MRTFA: variants seen among roughly 807,000 people sequenced by gnomAD.
MRTFA encodes the protein myocardin-related transcription factor A.
A neutral mutation model predicts 83.5 loss-of-function variants in MRTFA; 20 were observed. That is an observed-to-expected ratio of 0.24 (90% CI 0.17 to 0.35). MRTFA has a LOEUF of 0.35. Among genes scored for constraint, MRTFA ranks in the 10% least tolerant of loss-of-function variants. The pLI, the probability that MRTFA is intolerant of heterozygous loss-of-function variation, is 1.00. For synonymous variants in MRTFA, 659 were observed against 541.2 expected (o/e 1.22, Z -3.02); for missense variants, 1,200 against 1,224.7 (o/e 0.98, Z 0.30).
chr22:40,602,393 G>A (rs2056270151), intron 1 of MRTFA, among the ~76,000 whole-genome samples: 1 of 152,150 alleles, frequency 6.6e-6, no homozygotes, highest in Non-Finnish European at 1.5e-5. Context: ...TTCAAAATAA[G>A]TTGCCAAGAA....
chr22:40,486,538 T>C (rs1185674072), intron 3 of MRTFA, among the ~76,000 whole-genome samples: 1 of 152,238 alleles, frequency 6.6e-6, no homozygotes, highest in African/African-American at 2.4e-5. Context: ...ATTTGCTTCT[T>C]TTCTAACCAC....
In MRTFA at chr22:40,468,398, G is replaced by T. The variant is rs1157936534; in HGVS notation, c.242-5112C>A. On this transcript the variant is annotated intron_variant, in intron 3 of 14. Coordinates refer to ENST00000355630, the MANE Select transcript of MRTFA (RefSeq NM_020831.6). ...CAGAAGATAAAGTATAAATTATGAG[G>T]AAGTAGAAAAGAATAGGAAGGTGGG... Among the ~76,000 whole-genome samples the T allele has an allele frequency of 3.3e-5, 5 of 152,010 alleles. No individual in the cohort carries two copies. In the East Asian group the frequency reaches 5.8e-4, roughly 18 times the overall value.
chr22:40,464,662 T>A (rs895634727), intron 3 of MRTFA, among the ~76,000 whole-genome samples: 1 of 152,072 alleles, frequency 6.6e-6, no homozygotes, highest in Non-Finnish European at 1.5e-5. Context: ...CTGGGAATCA[T>A]CTTAATATCT....
chr22:40,504,605 T>C (rs2054550626), intron 3 of MRTFA, among the ~76,000 whole-genome samples: 1 of 152,186 alleles, frequency 6.6e-6, no homozygotes, highest in South Asian at 2.1e-4. Flanking sequence ...TTTCTGAAAC[T>C]AGATCTTAAA....
At chr22:40,495,445 C>G (rs955825020) in intron 3 of MRTFA, among the ~76,000 whole-genome samples, 1 of 145,432 alleles carries the variant, frequency 6.9e-6, no homozygotes, top group African/African-American at 2.6e-5. Flanking sequence ...GAGCAAGACT[C>G]CGTCTCAAAA....
rs960621690 is a variant in MRTFA, at chr22:40,475,858, G to A, written c.242-12572C>T. On this transcript the variant is annotated intron_variant, in intron 3 of 14. Transcript: ENST00000355630. ...TAGCACTAGGGTACATAAAAATGGC[G>A]TCTCGGCCAGGCACGGTGGCTCACG... Among the ~76,000 whole-genome samples, 6 of 152,248 alleles carry A rather than the reference G, an allele frequency of 3.9e-5. No homozygotes were observed. The South Asian group carries it at 8.3e-4, about 21-fold the overall frequency.
At chr22:40,421,413 T>C (rs1303081684) in intron 9 of MRTFA, among the ~76,000 whole-genome samples, 1 of 152,130 alleles carries the variant, frequency 6.6e-6, no homozygotes, top group Non-Finnish European at 1.5e-5. Context: ...AGCTGACTGA[T>C]GGAGCTCGGG....
At chr22:40,525,840 CAGAGAATCAA>C (rs1246883202) in intron 3 of MRTFA, among the ~76,000 whole-genome samples, 27 of 151,832 alleles carry the variant, frequency 1.8e-4, no homozygotes, top group African/African-American at 6.5e-4. Flanking sequence ...ATACACAAGG[CAGAGAATCAA>C]AGAGGAAAAA....
chr22:40,580,206 T>C (rs937021164), intron 2 of MRTFA, among the ~76,000 whole-genome samples: 1 of 152,168 alleles, frequency 6.6e-6, no homozygotes, highest in African/African-American at 2.4e-5. Flanking sequence ...TTTTTTCACT[T>C]TTCCTTTTTT....
At chr22:40,596,622 T>G (rs1389125178) in intron 1 of MRTFA, among the ~76,000 whole-genome samples, 1 of 152,002 alleles carries the variant, frequency 6.6e-6, no homozygotes, top group East Asian at 1.9e-4. Context: ...GCCAACATGG[T>G]GAAACCCTGT....
intron 4 of MRTFA, among the ~76,000 whole-genome samples, chr22:40,442,409 G>C (rs2053293452): frequency 6.6e-6 from 1 of 152,214 alleles, no homozygotes; most frequent in South Asian, 2.1e-4. Flanking sequence ...TCTTTTTCCA[G>C]TGTGGAAGCA....
At chr22:40,561,052 A>T (rs955765439) in intron 2 of MRTFA, among the ~76,000 whole-genome samples, 2 of 152,082 alleles carry the variant, frequency 1.3e-5, no homozygotes, top group African/African-American at 4.8e-5. Flanking sequence ...CAATCAATTA[A>T]TGAACTTTCT....
At chr22:40,574,440 A>ATTATTATT (rs764460675) in intron 2 of MRTFA, among the ~76,000 whole-genome samples, 24 of 147,728 alleles carry the variant, frequency 1.6e-4, no homozygotes, top group African/African-American at 5.2e-4. Flanking sequence ...TATTATTATT[A>ATTATTATT]TTTTTTTTTT....
At chr22:40,524,310 C>A (rs1052776366) in intron 3 of MRTFA, among the ~76,000 whole-genome samples, 1 of 152,094 alleles carries the variant, frequency 6.6e-6, no homozygotes, top group African/African-American at 2.4e-5. Context: ...ATAAAAGCTA[C>A]ACAAAAAAAT....
In MRTFA at chr22:40,587,685, TG is replaced by T. The variant is rs2056052605; in HGVS notation, c.-22+6988del. 83 of 326,984 alleles carry T rather than the reference TG, an allele frequency of 2.5e-4. 1 individual carries two copies. In the South Asian group the frequency reaches 3.1e-3, roughly 12 times the overall value. 20.3% of individuals were successfully genotyped at this position (326,984 alleles called of 1,614,324 possible). A position where few individuals can be genotyped will look rare whatever the true frequency, so the allele number is the denominator to read the frequency against. ...CTACAGTGCCAACAGTGCCAGGTTTTGGTTGGTGCAAACATGTGGCCTCCAT... is the reference window on the plus strand; with the variant it reads ...CTACAGTGCCAACAGTGCCAGGTTTTGTTGGTGCAAACATGTGGCCTCCAT... On this transcript the variant is annotated intron_variant, in intron 2 of 14. Transcript: ENST00000355630.
chr22:40,556,049 CAAAG>C (rs757833846), intron 2 of MRTFA, among the ~76,000 whole-genome samples: 5 of 151,742 alleles, frequency 3.3e-5, no homozygotes, highest in Non-Finnish European at 5.9e-5. Flanking sequence ...AAATATTATA[CAAAG>C]AAAAAAGATT....
Position 40,418,924 on chromosome 22 carries a change from GC to G in MRTFA, c.1813del (p.Ala605ProfsTer6). 6.2e-7 allele frequency: 1 copy of G among 1,612,798 alleles called. No homozygotes were observed. The highest frequency in any genetic ancestry group is 8.5e-7 in the Non-Finnish European group (1 of 1,179,932). On this transcript the variant is annotated frameshift_variant, in exon 12 of 15. Coordinates refer to ENST00000355630, the MANE Select transcript of MRTFA (RefSeq NM_020831.6). LOFTEE classifies it high-confidence loss of function. ...CCCAGGGCTCAGGCAACAGGACCCG[GC>G]CCGGGGGCCCTCCTCCTTCACGAGG...
chr22:40,433,227 GA>G, intron 5 of MRTFA: 1 of 160,578 alleles, frequency 6.2e-6, no homozygotes. Flanking sequence ...GTCTCTGATG[GA>G]AAACCAGAGA....
intron 4 of MRTFA, among the ~76,000 whole-genome samples, chr22:40,452,384 C>T (rs1177229910): frequency 2.0e-5 from 3 of 152,134 alleles, no homozygotes; most frequent in African/African-American, 7.2e-5. Context: ...TTGAGTAGTA[C>T]CTACAAGTGA....
Sources: gnomAD v4.1 joint callset for allele counts (sites outside exome capture counted in the v4.1 genomes callset) on GRCh38, gnomAD v4.1.1 for gene constraint, MANE v1.5 for transcripts, NCBI Gene and HGNC (gene_info 2026-07-23, HGNC 2026-07-21) for gene names.